Variants in EXT2 observed in about 807,000 individuals in gnomAD.
The protein encoded by EXT2 is exostosin glycosyltransferase 2, also known as exostosin-2.
In EXT2, 53 loss-of-function variants were observed where a neutral mutation model predicts 81.6. That is an observed-to-expected ratio of 0.65 (90% CI 0.52 to 0.82). EXT2 has a LOEUF of 0.82. EXT2 is among the 40% of genes least tolerant of loss of function. EXT2 has a pLI of 0.00. For synonymous variants in EXT2, 320 were observed against 340.0 expected (o/e 0.94, Z 0.65); for missense variants, 774 against 910.2 (o/e 0.85, Z 1.93).
chr11:44,146,952 G>C (rs1484056233), intron 7 of EXT2, among the ~76,000 whole-genome samples: 2 of 152,072 alleles, frequency 1.3e-5, no homozygotes, highest in Non-Finnish European at 2.9e-5. Context: ...TCATTCTTAC[G>C]CTTACATCAC....
Position 44,244,427 on chromosome 11 carries a change from A to G in EXT2, c.*140A>G. 6 of 816,604 alleles carry G rather than the reference A, an allele frequency of 7.3e-6. No homozygotes were observed. 50.6% of individuals were successfully genotyped at this position (816,604 alleles called of 1,614,324 possible). A position where few individuals can be genotyped will look rare whatever the true frequency, so the allele number is the denominator to read the frequency against. ...ATCTTGGCATGCACCCACCTAACCC[A>G]CTTTCTCAAGAACAAGAACCTAGAA... On this transcript the variant is annotated 3_prime_UTR_variant, in exon 14 of 14. Transcript: ENST00000533608.
At chr11:44,152,538 A>G (rs1377700492) in intron 7 of EXT2, among the ~76,000 whole-genome samples, 1 of 152,056 alleles carries the variant, frequency 6.6e-6, no homozygotes, top group Non-Finnish European at 1.5e-5. Context: ...TTTAGTAGAG[A>G]CGGGTTTTCA....
chr11:44,200,253 G>A (rs1955506960), intron 9 of EXT2, among the ~76,000 whole-genome samples: 1 of 149,634 alleles, frequency 6.7e-6, no homozygotes, highest in Non-Finnish European at 1.5e-5. Flanking sequence ...TGGTTACCAT[G>A]TCTGCTGCTG....
chr11:44,238,163 G>T (rs1395115792), intron 13 of EXT2, among the ~76,000 whole-genome samples: 1 of 152,078 alleles, frequency 6.6e-6, no homozygotes, highest in Non-Finnish European at 1.5e-5. Context: ...GTAACTAAGG[G>T]AGATATGGAG....
chr11:44,198,383 C>CA (rs370369535), intron 9 of EXT2, among the ~76,000 whole-genome samples: 3,007 of 141,680 alleles, frequency 0.021, 77 homozygotes, highest in African/African-American at 0.054. Flanking sequence ...TGTACTTTCT[C>CA]AAAAAAAAAA....
rs144920979 is a variant in EXT2, at chr11:44,162,140, G to C, written c.1174-9471G>C. On this transcript the variant is annotated intron_variant, in intron 7 of 13. Transcript: ENST00000533608. Reference sequence around the variant, plus strand: ...GAATTGTACCAATGTTAACCTCTTGGTTTTGATAATTGTACCATGGTGATG... The same window carrying C: ...GAATTGTACCAATGTTAACCTCTTGCTTTTGATAATTGTACCATGGTGATG... 2.2e-3 allele frequency among the ~76,000 whole-genome samples: 338 copies of C among 152,294 alleles called. 4 individuals carry two copies. In the East Asian group the frequency reaches 0.048, roughly 21 times the overall value.
chr11:44,232,866 T>C (rs930984493), intron 11 of EXT2, among the ~76,000 whole-genome samples: 3 of 152,354 alleles, frequency 2.0e-5, no homozygotes, highest in African/African-American at 7.2e-5. Flanking sequence ...TCTCATGTCA[T>C]TGACATTTCT....
At chr11:44,201,179 A>G (rs1480171512) in intron 9 of EXT2, among the ~76,000 whole-genome samples, 1 of 152,232 alleles carries the variant, frequency 6.6e-6, no homozygotes, top group South Asian at 2.1e-4. Flanking sequence ...TTAAAGGAGT[A>G]AGGAAGAAAG....
At chr11:44,119,946 A>G (rs1393607556) in intron 4 of EXT2, among the ~76,000 whole-genome samples, 4 of 152,188 alleles carry the variant, frequency 2.6e-5, no homozygotes, top group Non-Finnish European at 4.4e-5. Context: ...CACTTGAACC[A>G]AACTCTCTCT....
chr11:44,101,319 G>A (rs1486178052), intron 1 of EXT2, among the ~76,000 whole-genome samples: 2 of 152,130 alleles, frequency 1.3e-5, no homozygotes, highest in Non-Finnish European at 2.9e-5. Flanking sequence ...CCAGTGGTTT[G>A]CAACCAGGGC....
chr11:44,174,233 T>A (rs1955123464), intron 8 of EXT2, among the ~76,000 whole-genome samples: 1 of 152,348 alleles, frequency 6.6e-6, no homozygotes, highest in East Asian at 1.9e-4. Flanking sequence ...ACTTTTAGAT[T>A]GTTTTAGACA....
At chr11:44,236,659 A>G (rs935458284) in intron 13 of EXT2, among the ~76,000 whole-genome samples, 13 of 152,204 alleles carry the variant, frequency 8.5e-5, no homozygotes, top group African/African-American at 3.1e-4. Flanking sequence ...TTAACCATCT[A>G]CAGTCATTGA....
intron 1 of EXT2, chr11:44,096,169 C>CCCGCCCTCCGCCCT (rs998962711): frequency 7.5e-7 from 1 of 1,324,616 alleles, no homozygotes; most frequent in Non-Finnish European, 1.0e-6. Context: ...CCTCCTGCGA[C>CCCGCCCTCCGCCCT]CCGCCCTCCG....
Position 44,108,224 on chromosome 11 carries a change from C to A in EXT2, c.512C>A (p.Ala171Glu), listed in dbSNP as rs149621055. The change falls in exon 2 of 14, where the codon GCA (alanine) becomes GAA (glutamate). Residue 171 changes from alanine (A) to glutamate (E), a missense_variant. Ala to Glu is a moderately radical substitution (Grantham distance 107). Transcript: ENST00000533608. ...NQNTLRIKET[A>E]QAMAQLSRWD... is the part of the protein sequence containing the mutation. The stretch of plus-strand genomic sequence containing the variant: ...AACACACTGCGCATCAAGGAGACAG[C>A]ACAAGCGATGGCCCAGCTCTCTAGG... 14 of 1,613,044 alleles carry A rather than the reference C, an allele frequency of 8.7e-6. No individual in the cohort carries two copies. The African/African-American group carries it at 1.9e-4, about 22-fold the overall frequency.
At chr11:44,243,593 A>ATT (rs1956061507) in intron 13 of EXT2, among the ~76,000 whole-genome samples, 1 of 50,650 alleles carries the variant, frequency 2.0e-5, no homozygotes, top group African/African-American at 7.6e-5. Context: ...TGAAGTGTTT[A>ATT]TTGTTTGAAA....
chr11:44,117,701 G>A (rs1565200536), intron 4 of EXT2, among the ~76,000 whole-genome samples: 1 of 152,162 alleles, frequency 6.6e-6, no homozygotes, highest in Non-Finnish European at 1.5e-5. Context: ...CATTGTCTTG[G>A]TTACCTTAGC....
chr11:44,194,527 G>A (rs868004547), intron 8 of EXT2, among the ~76,000 whole-genome samples: 18 of 152,164 alleles, frequency 1.2e-4, no homozygotes, highest in African/African-American at 2.7e-4. Context: ...AACCATTACC[G>A]TCTGGTGTTC....
chr11:44,133,462 G>A (rs1954522900), intron 7 of EXT2, among the ~76,000 whole-genome samples: 1 of 152,164 alleles, frequency 6.6e-6, no homozygotes, highest in Admixed American at 6.5e-5. Flanking sequence ...TGAGGGTGAG[G>A]AACAGAGTCT....
At chr11:44,205,489 A>G (rs1440940967) in intron 9 of EXT2, among the ~76,000 whole-genome samples, 3 of 152,162 alleles carry the variant, frequency 2.0e-5, no homozygotes, top group East Asian at 1.9e-4. Context: ...CCCTTCCCCA[A>G]ACACACTTTT....
Sources: gnomAD v4.1 joint callset for allele counts (sites outside exome capture counted in the v4.1 genomes callset) on GRCh38, gnomAD v4.1.1 for gene constraint, MANE v1.5 for transcripts, NCBI Gene and HGNC (gene_info 2026-07-23, HGNC 2026-07-21) for gene names.